ZNRF1: variants seen among roughly 807,000 people sequenced by gnomAD.
ZNRF1 encodes E3 ubiquitin-protein ligase ZNRF1.
In ZNRF1, 3 loss-of-function variants were observed where a neutral mutation model predicts 18.4. The ratio of observed to expected loss-of-function variants is 0.16; its 90% CI spans 0.07 to 0.42. The LOEUF is 0.42. ZNRF1 is among the 10% of genes least tolerant of loss of function. The probability of loss-of-function intolerance (pLI) is 0.99; values close to 1 mark genes in which losing one functional copy is unlikely to be tolerated. For missense variants in ZNRF1, 310 were observed against 329.8 expected (o/e 0.94, Z 0.47); for synonymous variants, 157 against 144.2 (o/e 1.09, Z -0.64).
In ZNRF1 at chr16:75,043,063, T is replaced by A. The variant is rs527572932; in HGVS notation, c.424+42968T>A. Among the ~76,000 whole-genome samples, 5 of 152,210 alleles carry A rather than the reference T, an allele frequency of 3.3e-5. No individual in the cohort carries two copies. In the South Asian group the frequency reaches 1.0e-3, roughly 32 times the overall value. On this transcript the variant is annotated intron_variant, in intron 1 of 4. Transcript: ENST00000335325. ...TCACTGGTAGTTGGCACTCCAAAAA[T>A]ACTTGAATAGAAGTGGGAGACTGTC...
chr16:75,104,677 A>T lies in ZNRF1; in HGVS notation c.521-107A>T, dbSNP rs993690330. 3.8e-5 allele frequency: 35 copies of T among 927,496 alleles called. No individual in the cohort carries two copies. In the East Asian group the frequency reaches 8.9e-4, roughly 24 times the overall value. 57.5% of individuals were successfully genotyped at this position (927,496 alleles called of 1,614,324 possible). ...CTGTGTCCCCTGCAGAGCCGGGCAC[A>T]GCTTGGGGCAGCTAAGCAGTCCCCT... On this transcript the variant is annotated intron_variant, in intron 2 of 4. Coordinates refer to ENST00000335325, the MANE Select transcript of ZNRF1 (RefSeq NM_032268.5).
chr16:75,025,573 C>G (rs1047928734), intron 1 of ZNRF1, among the ~76,000 whole-genome samples: 6 of 152,062 alleles, frequency 3.9e-5, no homozygotes, highest in African/African-American at 1.2e-4. Context: ...CAGGAAAGAT[C>G]GTATAGCCCC....
intron 1 of ZNRF1, among the ~76,000 whole-genome samples, chr16:75,063,545 C>A (rs771192156): frequency 2.0e-5 from 3 of 152,098 alleles, no homozygotes; most frequent in Non-Finnish European, 4.4e-5. Context: ...GGTGGTATTT[C>A]GTTGGCATGT....
rs540625401 is a variant in ZNRF1, at chr16:75,109,671, C to T, written c.*1971C>T. On this transcript the variant is annotated 3_prime_UTR_variant, in exon 5 of 5. Coordinates refer to ENST00000335325, the MANE Select transcript of ZNRF1 (RefSeq NM_032268.5). ...GTGGGCTCTAGACTGTGCATTCAGG[C>T]TCTCCTACTTGGCAGAATGATCTTG... 3 of 152,594 alleles carry T rather than the reference C, an allele frequency of 2.0e-5. No homozygotes were observed. Among genetic ancestry groups the T allele is most frequent in the African/African-American group, 4.8e-5 (2 of 41,578 alleles). The allele number at this position is 152,594 out of a possible 1,614,324, so 9.5% of individuals were successfully genotyped here.
chr16:75,109,664 A>T lies in ZNRF1; in HGVS notation c.*1964A>T, dbSNP rs1174228589. On this transcript the variant is annotated 3_prime_UTR_variant, in exon 5 of 5. Coordinates refer to ENST00000335325, the MANE Select transcript of ZNRF1 (RefSeq NM_032268.5). ...CAGGAACGTGGGCTCTAGACTGTGCATTCAGGCTCTCCTACTTGGCAGAAT... is the reference window on the plus strand; with the variant it reads ...CAGGAACGTGGGCTCTAGACTGTGCTTTCAGGCTCTCCTACTTGGCAGAAT... 2.6e-5 allele frequency: 4 copies of T among 152,466 alleles called. No individual in the cohort carries two copies. The highest frequency in any genetic ancestry group is 9.6e-5 in the African/African-American group (4 of 41,470). The allele number at this position is 152,466 out of a possible 1,614,324, so 9.4% of individuals were successfully genotyped here.
chr16:75,036,451 G>A (rs1427360050), intron 1 of ZNRF1, among the ~76,000 whole-genome samples: 2 of 152,004 alleles, frequency 1.3e-5, no homozygotes, highest in Non-Finnish European at 1.5e-5. Flanking sequence ...TTTTAATCCA[G>A]ACTGACAGTC....
intron 1 of ZNRF1, among the ~76,000 whole-genome samples, chr16:75,084,244 A>G (rs868016457): frequency 1.3e-5 from 2 of 152,214 alleles, no homozygotes; most frequent in African/African-American, 2.4e-5. Context: ...GTCATTATAT[A>G]TGGATGGAAG....
chr16:75,078,670 G>T (rs965740630), intron 1 of ZNRF1, among the ~76,000 whole-genome samples: 1 of 152,182 alleles, frequency 6.6e-6, no homozygotes, highest in East Asian at 1.9e-4. Context: ...TTGAAGTGCT[G>T]ACTTGAGAGA....
rs1346856304 is a variant in ZNRF1 at position 74,999,472 on chromosome 16, T to G, written c.-200T>G. 7.3e-6 allele frequency: 3 copies of G among 413,260 alleles called. No individual in the cohort carries two copies. In the East Asian group the frequency reaches 1.1e-4, roughly 15 times the overall value. The allele number at this position is 413,260 out of a possible 1,614,324, so 25.6% of individuals were successfully genotyped here. ...CCTTGGATCGTTTGAAATTCTGAGT[T>G]TGGGATCCCCGCCCGCCCGCCTGCC... On this transcript the variant is annotated 5_prime_UTR_variant, in exon 1 of 5. Transcript: ENST00000335325.
chr16:75,043,833 A>T (rs1193226692), intron 1 of ZNRF1, among the ~76,000 whole-genome samples: 1 of 60,132 alleles, frequency 1.7e-5, no homozygotes, highest in South Asian at 5.9e-4. Context: ...CTTGTTGCCC[A>T]GGCTGGAGGG....
intron 1 of ZNRF1, among the ~76,000 whole-genome samples, chr16:75,033,575 AT>A (rs2035336106): frequency 6.6e-6 from 1 of 151,620 alleles, no homozygotes; most frequent in Non-Finnish European, 1.5e-5. Flanking sequence ...AGTAGCTGAG[AT>A]TACAGGCACA....
At chr16:75,066,589 A>G (rs984319619) in intron 1 of ZNRF1, among the ~76,000 whole-genome samples, 4 of 152,058 alleles carry the variant, frequency 2.6e-5, no homozygotes, top group Non-Finnish European at 5.9e-5. Flanking sequence ...CGCAACCTCC[A>G]CTTTCCGGGT....
At chr16:75,079,132 G>A (rs1442893228) in intron 1 of ZNRF1, among the ~76,000 whole-genome samples, 2 of 152,192 alleles carry the variant, frequency 1.3e-5, no homozygotes, top group Admixed American at 6.5e-5. Flanking sequence ...ATTTTAGGGA[G>A]CTTAGAATTC....
chr16:75,039,002 G>A (rs1441562308), intron 1 of ZNRF1, among the ~76,000 whole-genome samples: 1 of 152,070 alleles, frequency 6.6e-6, no homozygotes, highest in Non-Finnish European at 1.5e-5. Flanking sequence ...TAATCTCTGT[G>A]TTAAGCACAG....
chr16:75,064,035 C>T (rs565373477), intron 1 of ZNRF1, among the ~76,000 whole-genome samples: 82 of 152,252 alleles, frequency 5.4e-4, no homozygotes, highest in Middle Eastern at 3.4e-3. Context: ...CAGTGGCTCA[C>T]GCCTGTAAAT....
chr16:75,038,766 A>T (rs2035405670), intron 1 of ZNRF1, among the ~76,000 whole-genome samples: 1 of 152,238 alleles, frequency 6.6e-6, no homozygotes, highest in South Asian at 2.1e-4. Context: ...TTTCTGTTTC[A>T]TACAACATGG....
intron 1 of ZNRF1, among the ~76,000 whole-genome samples, chr16:75,061,446 G>T (rs1339464924): frequency 1.3e-5 from 2 of 151,792 alleles, no homozygotes; most frequent in African/African-American, 4.8e-5. Context: ...TTAACATAAT[G>T]ATCTCCGGTT....
chr16:75,055,499 C>T (rs1451674082), intron 1 of ZNRF1, among the ~76,000 whole-genome samples: 1 of 152,176 alleles, frequency 6.6e-6, no homozygotes, highest in East Asian at 1.9e-4. Flanking sequence ...AGGAGTAGGT[C>T]GTGTTCTGTC....
intron 1 of ZNRF1, among the ~76,000 whole-genome samples, chr16:75,047,539 C>T (rs780201479): frequency 6.6e-6 from 1 of 152,228 alleles, no homozygotes. Flanking sequence ...TCACAATGAA[C>T]ACTTTTGTGT....
Sources: gnomAD v4.1 joint callset for allele counts (sites outside exome capture counted in the v4.1 genomes callset) on GRCh38, gnomAD v4.1.1 for gene constraint, MANE v1.5 for transcripts, NCBI Gene and HGNC (gene_info 2026-07-23, HGNC 2026-07-21) for gene names.